The following OR13A1 variants were observed in gnomAD, a reference collection of about 807,000 sequenced individuals.
The protein encoded by OR13A1 is olfactory receptor family 13 subfamily A member 1.
A neutral mutation model predicts 7.5 loss-of-function variants in OR13A1; 10 were observed. The observed-to-expected ratio is 1.34, with a 90% CI of 0.83 to 2.27. The LOEUF (loss-of-function observed/expected upper bound fraction) is 2.27. Ranked by LOEUF, OR13A1 falls within the 30% of genes most tolerant of loss-of-function variation. The probability of loss-of-function intolerance (pLI) is 0.00; values close to 1 mark genes in which losing one functional copy is unlikely to be tolerated. For missense variants in OR13A1, 509 were observed against 419.1 expected (o/e 1.21, Z -1.87); for synonymous variants, 238 against 177.9 (o/e 1.34, Z -2.69).
chr10:45,303,984 G>A lies in OR13A1; in HGVS notation c.439C>T (p.Pro147Ser), dbSNP rs750099630. ...CTCATCATGCTGCTGTAATGCAGCG[G>A]GTGGCAGATGGCTGCGTACCGGTCA... ...AYDRYAAICH[P>S]LHYSSMMSKV... The change falls in exon 4 of 4, where the codon CCG becomes TCG. Residue 147 changes from proline (P) to serine (S), a missense_variant. By Grantham distance (74) the Pro-to-Ser change is moderately conservative (BLOSUM62 -1). Coordinates refer to ENST00000553795, the MANE Select transcript of OR13A1 (RefSeq NM_001004297.3). 2 of 1,612,718 alleles carry A rather than the reference G, an allele frequency of 1.2e-6. No individual in the cohort carries two copies. Among genetic ancestry groups the A allele is most frequent in the Non-Finnish European group, 1.7e-6 (2 of 1,179,144 alleles).
At chr10:45,305,213 G>A (rs1056547151) in intron 3 of OR13A1, among the ~76,000 whole-genome samples, 7 of 151,594 alleles carry the variant, frequency 4.6e-5, no homozygotes, top group South Asian at 4.2e-4. Flanking sequence ...TAGCCTGGGC[G>A]ACAGAGTGAG....
At chr10:45,310,971 A>G (rs1158367710) in intron 1 of OR13A1, among the ~76,000 whole-genome samples, 4 of 152,226 alleles carry the variant, frequency 2.6e-5, no homozygotes, top group Non-Finnish European at 5.9e-5. Flanking sequence ...CATTTGATGG[A>G]GAAAAATGCT....
intron 1 of OR13A1, among the ~76,000 whole-genome samples, chr10:45,309,051 AG>A (rs1371926826): frequency 6.6e-5 from 10 of 152,320 alleles, no homozygotes; most frequent in African/African-American, 2.4e-4. Flanking sequence ...TGGGGTTCAC[AG>A]AAAGGCCAAT....
At chr10:45,314,339 G>A (rs1371120160) in intron 1 of OR13A1, among the ~76,000 whole-genome samples, 2 of 152,030 alleles carry the variant, frequency 1.3e-5, no homozygotes, top group East Asian at 3.9e-4. Context: ...GGTCATGCCT[G>A]CAATCCCAGC....
rs1388790436 is a variant in OR13A1, at chr10:45,303,611, G to A, written c.812C>T (p.Thr271Ile). ...SHLTVVCMYY[T>I]AVFYAYISPV... is the part of the protein sequence containing the mutation. ...GCTTATGTAGGCGTAGAAGACAGCG[G>A]TGTAATACATGCACACCACGGTGAG... The change falls in exon 4 of 4, where the codon ACC becomes ATC. Residue 271 changes from threonine to isoleucine, a missense_variant. Thr to Ile is a moderately conservative substitution (Grantham distance 89). Transcript: ENST00000553795. 6.2e-7 allele frequency: 1 copy of A among 1,613,494 alleles called. No individual in the cohort carries two copies. Among genetic ancestry groups the A allele is most frequent in the Non-Finnish European group, 8.5e-7 (1 of 1,179,928 alleles).
rs766946554 is a variant in OR13A1 at position 45,304,054 on chromosome 10, C to T, written c.369G>A (p.Thr123=). ...GCAGCAGCTCTGAGGATGCAGCCCA[C>T]GTGAGGAAATAGAGCTGGGCCATGC... ...GGCMAQLYFL[T]WAASSELLLL... The change falls in exon 4 of 4, where the codon ACG becomes ACA. Residue 123 remains threonine (T), a synonymous_variant. Transcript: ENST00000553795. 1.9e-5 allele frequency: 30 copies of T among 1,613,362 alleles called. No homozygotes were observed. The highest frequency in any genetic ancestry group is 1.6e-4 in the Middle Eastern group (1 of 6,074).
chr10:45,303,273 C>T lies in OR13A1; in HGVS notation c.*163G>A. 1.4e-6 allele frequency: 1 copy of T among 727,436 alleles called. No homozygotes were observed. The highest frequency in any genetic ancestry group is 1.9e-5 in the South Asian group (1 of 53,016). The allele number at this position is 727,436 out of a possible 1,614,324, so 45.1% of individuals were successfully genotyped here. A position where few individuals can be genotyped will look rare whatever the true frequency, so the allele number is the denominator to read the frequency against. On this transcript the variant is annotated 3_prime_UTR_variant, in exon 4 of 4. Coordinates refer to ENST00000553795, the MANE Select transcript of OR13A1 (RefSeq NM_001004297.3). ...CTGGTGGGTCACACCTACCGCAATC[C>T]CCCCATCACCAAGTCTCAGGGAACC...
chr10:45,302,380 A>C (rs545496696), downstream of OR13A1: 5 of 152,326 alleles, frequency 3.3e-5, no homozygotes, highest in East Asian at 5.8e-4. Context: ...CACTTAGAAG[A>C]GATTAAACTG....
At position 45,309,414 on chromosome 10, in the gene OR13A1, T is replaced by C. The variant is rs533735938; in HGVS notation, c.-224-1606A>G. ...TCCAAATCCCACCCAGATCTAACTCTATCTCCCCTACCAAACCTTCCCTGA... is the reference window on the plus strand; with the variant it reads ...TCCAAATCCCACCCAGATCTAACTCCATCTCCCCTACCAAACCTTCCCTGA... On this transcript the variant is annotated intron_variant, in intron 1 of 3. Transcript: ENST00000553795. Among the ~76,000 whole-genome samples, 12 of 152,170 alleles carry C rather than the reference T, an allele frequency of 7.9e-5. No individual in the cohort carries two copies. In the South Asian group the frequency reaches 2.3e-3, roughly 29 times the overall value.
downstream of OR13A1, chr10:45,302,498 C>T (rs1838225978): frequency 6.6e-6 from 1 of 152,242 alleles, no homozygotes; most frequent in South Asian, 2.1e-4. Context: ...AAGAACCATC[C>T]CATCTAAATC....
At position 45,302,902 on chromosome 10, in the gene OR13A1, T is replaced by C. The variant is rs1161787243; in HGVS notation, c.*534A>G. The C allele has an allele frequency of 6.6e-6, 1 of 152,590 alleles. No homozygotes were observed. Among genetic ancestry groups the C allele is most frequent in the African/African-American group, 2.4e-5 (1 of 41,454 alleles). The allele number at this position is 152,590 out of a possible 1,614,324, so 9.5% of individuals were successfully genotyped here. On this transcript the variant is annotated 3_prime_UTR_variant, in exon 4 of 4. Coordinates refer to ENST00000553795, the MANE Select transcript of OR13A1 (RefSeq NM_001004297.3). The stretch of plus-strand genomic sequence containing the variant: ...ACAGTTTGCATTAAAATCAAACTAT[T>C]TTTGAAGTCCAAGTGGCTCCAGAGG...
intron 1 of OR13A1, among the ~76,000 whole-genome samples, chr10:45,309,976 G>T (rs965137447): frequency 5.2e-4 from 79 of 152,122 alleles, no homozygotes; most frequent in Non-Finnish European, 9.1e-4. Context: ...TTTTTGCGGG[G>T]ACTAAATAAG....
At chr10:45,306,408 G>C (rs1171164838) in intron 3 of OR13A1, among the ~76,000 whole-genome samples, 1 of 150,746 alleles carries the variant, frequency 6.6e-6, no homozygotes, top group Non-Finnish European at 1.5e-5. Context: ...AGCCGAGATC[G>C]CGCCACTGCA....
chr10:45,313,046 A>G (rs1216067556), intron 1 of OR13A1, among the ~76,000 whole-genome samples: 1 of 152,136 alleles, frequency 6.6e-6, no homozygotes, highest in Non-Finnish European at 1.5e-5. Flanking sequence ...TGCACTTTTA[A>G]TTCTTGTATA....
At chr10:45,306,582 G>T (rs954832714) in intron 3 of OR13A1, among the ~76,000 whole-genome samples, 1 of 152,104 alleles carries the variant, frequency 6.6e-6, no homozygotes, top group Non-Finnish European at 1.5e-5. Context: ...TTTTTGTCAA[G>T]ATTCAAGAAA....
intron 1 of OR13A1, among the ~76,000 whole-genome samples, chr10:45,314,924 CCAAA>C (rs1285924458): frequency 6.6e-6 from 1 of 152,102 alleles, no homozygotes; most frequent in Non-Finnish European, 1.5e-5. Flanking sequence ...TCAAAAACCT[CCAAA>C]CAAACAACAG....
Position 45,302,819 on chromosome 10 carries a change from T to A in OR13A1, c.*617A>T, listed in dbSNP as rs919875833. 1 of 152,232 alleles carries A rather than the reference T, an allele frequency of 6.6e-6. No individual in the cohort carries two copies. Among genetic ancestry groups the A allele is most frequent in the African/African-American group, 2.4e-5 (1 of 41,436 alleles). 9.4% of individuals were successfully genotyped at this position (152,232 alleles called of 1,614,324 possible). A position where few individuals can be genotyped will look rare whatever the true frequency, so the allele number is the denominator to read the frequency against. On this transcript the variant is annotated 3_prime_UTR_variant, in exon 4 of 4. Coordinates refer to ENST00000553795, the MANE Select transcript of OR13A1 (RefSeq NM_001004297.3). ...CTGTCCTCGCTCCAGGCCAATTAGG[T>A]AGGTCAGATACTCAGAATCTGAAGT...
chr10:45,303,309 G>T lies in OR13A1; in HGVS notation c.*127C>A. The T allele has an allele frequency of 2.0e-6, 2 of 1,014,952 alleles. No individual in the cohort carries two copies. The highest frequency in any genetic ancestry group is 2.9e-6 in the Non-Finnish European group (2 of 688,322). 62.9% of individuals were successfully genotyped at this position (1,014,952 alleles called of 1,614,324 possible). A position where few individuals can be genotyped will look rare whatever the true frequency, so the allele number is the denominator to read the frequency against. ...AAGTCTCAGGGAACCAGCACTCCCAGCTCATCCATGCACAGGTTCTGCTGG... is the reference window on the plus strand; with the variant it reads ...AAGTCTCAGGGAACCAGCACTCCCATCTCATCCATGCACAGGTTCTGCTGG... On this transcript the variant is annotated 3_prime_UTR_variant, in exon 4 of 4. Coordinates refer to ENST00000553795, the MANE Select transcript of OR13A1 (RefSeq NM_001004297.3).
At chr10:45,312,401 T>A (rs1838461546) in intron 1 of OR13A1, among the ~76,000 whole-genome samples, 4 of 150,542 alleles carry the variant, frequency 2.7e-5, no homozygotes, top group Non-Finnish European at 3.0e-5. Flanking sequence ...TACAGCAGAG[T>A]TTCTATACAA....
Sources: gnomAD v4.1 joint callset for allele counts (sites outside exome capture counted in the v4.1 genomes callset) on GRCh38, gnomAD v4.1.1 for gene constraint, MANE v1.5 for transcripts, NCBI Gene and HGNC (gene_info 2026-07-23, HGNC 2026-07-21) for gene names.